Variants in SEMA6D observed in about 807,000 individuals in gnomAD.
SEMA6D encodes the protein semaphorin-6D.
A neutral mutation model predicts 106.6 loss-of-function variants in SEMA6D; 35 were observed. The ratio of observed to expected loss-of-function variants is 0.33; its 90% CI spans 0.25 to 0.44. The LOEUF (loss-of-function observed/expected upper bound fraction) is 0.44, where lower values mean the gene tolerates loss of function less well. Among genes scored for constraint, SEMA6D ranks in the 20% least tolerant of loss-of-function variants. SEMA6D has a pLI of 1.00. For missense variants in SEMA6D, 1,185 were observed against 1,345.9 expected (o/e 0.88, Z 1.87); for synonymous variants, 499 against 487.7 (o/e 1.02, Z -0.31).
intron 4 of SEMA6D, among the ~76,000 whole-genome samples, chr15:47,614,524 G>T (rs2076971247): frequency 6.6e-6 from 1 of 152,102 alleles, no homozygotes; most frequent in Non-Finnish European, 1.5e-5. Flanking sequence ...AAGTCATTTG[G>T]ATCCCAGCTG....
chr15:47,622,283 TGG>T (rs1009639282), intron 4 of SEMA6D, among the ~76,000 whole-genome samples: 13 of 150,552 alleles, frequency 8.6e-5, no homozygotes, highest in Admixed American at 7.3e-4. Flanking sequence ...TCTCAAAACG[TGG>T]GAATAACAGT....
chr15:47,390,252 C>T (rs1282889546), intron 1 of SEMA6D, among the ~76,000 whole-genome samples: 1 of 152,114 alleles, frequency 6.6e-6, no homozygotes, highest in Non-Finnish European at 1.5e-5. Context: ...TATGGTCTTT[C>T]ACCACAGTAA....
chr15:47,638,781 G>T (rs1048120106), intron 4 of SEMA6D, among the ~76,000 whole-genome samples: 2 of 152,188 alleles, frequency 1.3e-5, no homozygotes, highest in African/African-American at 4.8e-5. Flanking sequence ...CTAAACCGAA[G>T]ATTACCCCAA....
chr15:47,391,533 T>C (rs1162617360), intron 1 of SEMA6D, among the ~76,000 whole-genome samples: 1 of 152,158 alleles, frequency 6.6e-6, no homozygotes, highest in East Asian at 1.9e-4. Flanking sequence ...CGGTTTCCAG[T>C]TGGCTGGAAA....
chr15:47,215,285 C>G (rs1028584136), intron 1 of SEMA6D, among the ~76,000 whole-genome samples: 3 of 151,694 alleles, frequency 2.0e-5, no homozygotes, highest in African/African-American at 7.3e-5. Context: ...TCTAAACTCT[C>G]ATTATTGGAA....
chr15:47,581,338 T>G (rs750440385), intron 3 of SEMA6D: 16 of 493,010 alleles, frequency 3.2e-5, no homozygotes, highest in South Asian at 2.9e-5. Flanking sequence ...ATATGTCACC[T>G]TATGGCAGAA....
intron 2 of SEMA6D, among the ~76,000 whole-genome samples, chr15:47,417,053 TA>T (rs2040992385): frequency 6.6e-6 from 1 of 152,080 alleles, no homozygotes; most frequent in African/African-American, 2.4e-5. Flanking sequence ...GAGCCTCTGA[TA>T]AAGGCAATCT....
At chr15:47,642,496 T>C (rs1443320368) in intron 4 of SEMA6D, among the ~76,000 whole-genome samples, 2 of 152,158 alleles carry the variant, frequency 1.3e-5, no homozygotes, top group African/African-American at 4.8e-5. Context: ...GCAGAGGGTA[T>C]GCCTTTTCGG....
chr15:47,313,071 A>G (rs1399462350), intron 1 of SEMA6D, among the ~76,000 whole-genome samples: 2 of 152,130 alleles, frequency 1.3e-5, no homozygotes, highest in African/African-American at 2.4e-5. Context: ...CCCATTGTCA[A>G]CATCTCCACA....
intron 1 of SEMA6D, among the ~76,000 whole-genome samples, chr15:47,367,637 A>C (rs904440235): frequency 1.1e-4 from 16 of 151,504 alleles, no homozygotes; most frequent in Admixed American, 9.2e-4. Flanking sequence ...TGATTTTGCC[A>C]TTATGAGTAT....
intron 4 of SEMA6D, among the ~76,000 whole-genome samples, chr15:47,675,448 G>A (rs2078224786): frequency 6.6e-6 from 1 of 152,162 alleles, no homozygotes; most frequent in Non-Finnish European, 1.5e-5. Flanking sequence ...GAGGGGCACA[G>A]CAGGAAAGTA....
rs1243341561 is a variant in SEMA6D at position 47,216,699 on chromosome 15, AAAG to A, written c.-239+32283_-239+32285del. Reference sequence around the variant, plus strand: ...ATACATCAATGGAAAAATGGACAAAAAAGATAAATACTTGAAAAATACAAACAA... The same window carrying A: ...ATACATCAATGGAAAAATGGACAAAAATAAATACTTGAAAAATACAAACAA... On this transcript the variant is annotated intron_variant, in intron 1 of 19. Transcript: ENST00000558014. Among the ~76,000 whole-genome samples the A allele has an allele frequency of 2.0e-5, 3 of 152,266 alleles. No individual in the cohort carries two copies. The East Asian group carries it at 5.8e-4, about 29-fold the overall frequency.
intron 2 of SEMA6D, among the ~76,000 whole-genome samples, chr15:47,423,208 A>G (rs1247732453): frequency 6.6e-6 from 1 of 151,928 alleles, no homozygotes; most frequent in African/African-American, 2.4e-5. Flanking sequence ...GAACATTCAG[A>G]TCAATCAGAA....
chr15:47,458,222 T>C (rs1344050159), intron 2 of SEMA6D, among the ~76,000 whole-genome samples: 1 of 152,024 alleles, frequency 6.6e-6, no homozygotes, highest in Non-Finnish European at 1.5e-5. Flanking sequence ...GTAGAAATTA[T>C]ACTGATGTAT....
intron 1 of SEMA6D, among the ~76,000 whole-genome samples, chr15:47,384,639 C>T (rs1247913860): frequency 6.6e-6 from 1 of 152,192 alleles, no homozygotes; most frequent in African/African-American, 2.4e-5. Context: ...CTACACGCCT[C>T]ATGCCCAGAA....
At chr15:47,371,114 C>T (rs2145398914) in intron 1 of SEMA6D, among the ~76,000 whole-genome samples, 1 of 152,308 alleles carries the variant, frequency 6.6e-6, no homozygotes, top group African/African-American at 2.4e-5. Flanking sequence ...TCAATATGGA[C>T]TCTCATGTAC....
At chr15:47,222,444 C>T (rs2031292888) in intron 1 of SEMA6D, among the ~76,000 whole-genome samples, 1 of 152,152 alleles carries the variant, frequency 6.6e-6, no homozygotes, top group Non-Finnish European at 1.5e-5. Context: ...ACTACTTTTC[C>T]CTTCATAGCC....
intron 3 of SEMA6D, among the ~76,000 whole-genome samples, chr15:47,533,469 TAGTC>T (rs2045045969): frequency 6.6e-6 from 1 of 152,196 alleles, no homozygotes; most frequent in African/African-American, 2.4e-5. Context: ...GAGAGTACAA[TAGTC>T]AGCAGAAAGT....
intron 1 of SEMA6D, among the ~76,000 whole-genome samples, chr15:47,267,494 A>G (rs12912073): frequency 0.3 from 46,096 of 151,774 alleles, 7,244 homozygotes; most frequent in Middle Eastern, 0.45. Context: ...TACATTTCCC[A>G]TATGTCTCTG....
Sources: gnomAD v4.1 joint callset for allele counts (sites outside exome capture counted in the v4.1 genomes callset) on GRCh38, gnomAD v4.1.1 for gene constraint, MANE v1.5 for transcripts, NCBI Gene and HGNC (gene_info 2026-07-23, HGNC 2026-07-21) for gene names.